Variants in SIDT1 observed in about 807,000 individuals in gnomAD.
SIDT1 encodes the protein SID1 transmembrane family member 1.
A neutral mutation model predicts 107.5 loss-of-function variants in SIDT1; 101 were observed. The ratio of observed to expected loss-of-function variants is 0.94; its 90% CI spans 0.80 to 1.11. The LOEUF (loss-of-function observed/expected upper bound fraction) is 1.11, where lower values mean the gene tolerates loss of function less well. Ranked by LOEUF, SIDT1 falls within the 50% of genes least tolerant of loss-of-function variation. The pLI, the probability that SIDT1 is intolerant of heterozygous loss-of-function variation, is 0.00. For synonymous variants in SIDT1, 395 were observed against 398.2 expected (o/e 0.99, Z 0.10); for missense variants, 1,076 against 1,058.2 (o/e 1.02, Z -0.23).
chr3:113,545,798 C>A (rs1449809824), intron 1 of SIDT1, among the ~76,000 whole-genome samples: 2 of 152,158 alleles, frequency 1.3e-5, no homozygotes, highest in Admixed American at 1.3e-4. Context: ...ATCAGTGATA[C>A]CTAAGGCAAG....
intron 24 of SIDT1, among the ~76,000 whole-genome samples, chr3:113,626,949 A>C (rs984056939): frequency 2.6e-5 from 4 of 152,112 alleles, no homozygotes; most frequent in Middle Eastern, 3.4e-3. Context: ...TCAAGAGTGG[A>C]GCAGGGCTAT....
chr3:113,577,243 T>A (rs1263381403), intron 4 of SIDT1, among the ~76,000 whole-genome samples: 1 of 152,216 alleles, frequency 6.6e-6, no homozygotes, highest in Non-Finnish European at 1.5e-5. Context: ...GTGTGCCCAC[T>A]ATGCACCAAG....
intron 23 of SIDT1, among the ~76,000 whole-genome samples, chr3:113,624,439 C>T (rs1946699875): frequency 6.6e-6 from 1 of 152,194 alleles, no homozygotes; most frequent in Non-Finnish European, 1.5e-5. Context: ...TACTTCATGT[C>T]TATTCATTGC....
chr3:113,633,438 G>A (rs534229477), downstream of SIDT1, among the ~76,000 whole-genome samples: 4 of 152,292 alleles, frequency 2.6e-5, no homozygotes, highest in South Asian at 2.1e-4. Flanking sequence ...TAATGTAAAC[G>A]TGGAAGACCT....
chr3:113,601,471 G>A (rs1159543331), intron 10 of SIDT1, 117 bp from the exon 11 acceptor site: 6 of 710,726 alleles, frequency 8.4e-6, no homozygotes, highest in Non-Finnish European at 1.4e-5. Flanking sequence ...CTGTATTAGT[G>A]TAAAAAGAAA....
chr3:113,608,439 CTT>C lies in SIDT1; in HGVS notation c.1625_1626del (p.Phe542TrpfsTer25). Reference protein sequence around the residue: ...FAVEYGIPKHFGLFYAMGIAL... With the variant: ...FAVEYGIPKHXGLFYAMGIAL... ...TTCAGGAGTACGGGATTCCCAAACA[CTT>C]TGGTCTCTTCTACGCTATGGGCATT... On this transcript the variant is annotated frameshift_variant, in exon 17 of 25. Transcript: ENST00000264852. LOFTEE classifies it high-confidence loss of function. 6.2e-7 allele frequency: 1 copy of C among 1,613,756 alleles called. No individual in the cohort carries two copies. The highest frequency in any genetic ancestry group is 1.3e-5 in the African/African-American group (1 of 75,044).
At chr3:113,608,673 A>C (rs1945519731) in intron 17 of SIDT1, 137 bp downstream of exon 17, 1 of 692,186 alleles carries the variant, frequency 1.4e-6, no homozygotes, top group Non-Finnish European at 2.6e-6. Flanking sequence ...GAGGACCTCC[A>C]CACAGAGCAT....
At chr3:113,616,030 T>C (rs1018916946) in intron 19 of SIDT1, 70 bp from the exon 20 acceptor site, 2 of 1,056,766 alleles carry the variant, frequency 1.9e-6, no homozygotes, top group African/African-American at 1.6e-5. Context: ...CTCCAAAACC[T>C]TGGGCCACTT....
rs201153861 is a variant in SIDT1, at chr3:113,622,535, ATAT to A, written c.2091-888_2091-886del. Reference sequence around the variant, plus strand: ...AAGAAAGAATTATGTAATAAAGGACATATTATAACTGAATAGAAATTTGGAACA... The same window carrying A: ...AAGAAAGAATTATGTAATAAAGGACATATAACTGAATAGAAATTTGGAACA... On this transcript the variant is annotated intron_variant, in intron 21 of 24. Transcript: ENST00000264852. Among the ~76,000 whole-genome samples the A allele has an allele frequency of 5.8e-3, 883 of 151,894 alleles. 6 individuals carry two copies. Among genetic ancestry groups the A allele is most frequent in the African/African-American group, 0.02 (849 of 41,434 alleles).
Position 113,609,348 on chromosome 3 carries a change from G to C in SIDT1, c.1720+812G>C, listed in dbSNP as rs1490859048. Among the ~76,000 whole-genome samples, 8 of 152,178 alleles carry C rather than the reference G, an allele frequency of 5.3e-5. No individual in the cohort carries two copies. The East Asian group carries it at 1.5e-3, about 29-fold the overall frequency. On this transcript the variant is annotated intron_variant, in intron 17 of 24. Transcript: ENST00000264852. ...CCCAAAGTGCTGGGATTACAGGCGT[G>C]AGCCACCACACCCGGCCCCATGAGC...
intron 21 of SIDT1, among the ~76,000 whole-genome samples, chr3:113,621,082 G>T (rs1946432751): frequency 6.6e-6 from 1 of 152,118 alleles, no homozygotes; most frequent in Non-Finnish European, 1.5e-5. Flanking sequence ...TCCCATGAAT[G>T]ATATTTTAAA....
At chr3:113,621,449 A>G (rs948834861) in intron 21 of SIDT1, among the ~76,000 whole-genome samples, 1 of 145,028 alleles carries the variant, frequency 6.9e-6, no homozygotes, top group Non-Finnish European at 1.5e-5. Flanking sequence ...AAAAAAAAAG[A>G]AAAAAAAAAA....
intron 15 of SIDT1, 78 bp from the exon 16 acceptor site, chr3:113,608,016 A>C: frequency 1.5e-6 from 2 of 1,365,088 alleles, no homozygotes; most frequent in East Asian, 2.5e-5. Context: ...GAATTCATTC[A>C]TTCCTTCATG....
intron 23 of SIDT1, among the ~76,000 whole-genome samples, chr3:113,624,198 G>T (rs1318390363): frequency 6.6e-6 from 1 of 152,192 alleles, no homozygotes; most frequent in Admixed American, 6.5e-5. Context: ...TACCACAATA[G>T]ATTTTAGAAC....
At chr3:113,596,025 TTCTC>T (rs1944521989) in intron 10 of SIDT1, among the ~76,000 whole-genome samples, 1 of 152,204 alleles carries the variant, frequency 6.6e-6, no homozygotes, top group African/African-American at 2.4e-5. Context: ...AGAAATGTCT[TTCTC>T]TCCCAAGGCC....
At position 113,568,606 on chromosome 3, in the gene SIDT1, G is replaced by A. The variant is rs202098448; in HGVS notation, c.515+896G>A. On this transcript the variant is annotated intron_variant, in intron 3 of 24. Coordinates refer to ENST00000264852, the MANE Select transcript of SIDT1 (RefSeq NM_017699.3). ...AAGACTCTGTCTCAAAAAAAAAAAA[G>A]AAAAGAAAAGAAAAGAAAAGAAAAA... is the stretch of plus-strand genomic sequence containing the variant. Among the ~76,000 whole-genome samples the A allele has an allele frequency of 3.1e-4, 25 of 81,170 alleles. No individual in the cohort carries two copies. In the South Asian group the frequency reaches 0.011, roughly 34 times the overall value. The allele number at this position is 81,170 out of a possible 152,430, so 53.3% of individuals were successfully genotyped here.
intron 14 of SIDT1, chr3:113,606,620 C>T (rs187472410): frequency 3.2e-5 from 5 of 154,278 alleles, no homozygotes; most frequent in Admixed American, 6.5e-5. Flanking sequence ...CACATCTCCT[C>T]GTGTCTACCT....
At chr3:113,592,319 T>A (rs1026706323) in intron 9 of SIDT1, among the ~76,000 whole-genome samples, 1 of 152,220 alleles carries the variant, frequency 6.6e-6, no homozygotes, top group African/African-American at 2.4e-5. Flanking sequence ...TTCGCACCAA[T>A]CTAATACTAA....
At chr3:113,608,582 T>C (rs1464244757) in intron 17 of SIDT1, 46 bp downstream of exon 17, 1 of 1,387,690 alleles carries the variant, frequency 7.2e-7, no homozygotes, top group Non-Finnish European at 1.0e-6. Flanking sequence ...TCGTCAGTCT[T>C]ATCCTGGAAC....
Sources: allele counts gnomAD v4.1 joint callset (sites outside exome capture counted in the v4.1 genomes callset), GRCh38; gene constraint gnomAD v4.1.1; transcripts MANE v1.5; gene names NCBI Gene and HGNC (gene_info 2026-07-23, HGNC 2026-07-21).